The following PACRG variants were observed in gnomAD, a reference collection of about 807,000 sequenced individuals.
PACRG encodes the protein parkin coregulated, also known as parkin coregulated gene protein.
PACRG carries 29 observed loss-of-function variants against 29.7 expected under a neutral mutation model. That is an observed-to-expected ratio of 0.98 (90% CI 0.73 to 1.33). PACRG has a LOEUF of 1.33. PACRG is among the 40% of genes most tolerant of loss of function. The probability of loss-of-function intolerance (pLI) is 0.00; values close to 1 mark genes in which losing one functional copy is unlikely to be tolerated. For missense variants in PACRG, 279 were observed against 316.2 expected, an observed-to-expected ratio of 0.88 and a Z score of 0.89; for synonymous variants, 116 against 118.7, an observed-to-expected ratio of 0.98 and a Z score of 0.15.
At chr6:162,841,771 A>G (rs370455314) in intron 2 of PACRG, among the ~76,000 whole-genome samples, 26 of 151,436 alleles carry the variant, frequency 1.7e-4, no homozygotes, top group East Asian at 3.9e-4. Context: ...CTTTGAATGC[A>G]TCCCAGAGAT....
chr6:163,289,173 G>A (rs567895181), intron 4 of PACRG, among the ~76,000 whole-genome samples: 29 of 152,258 alleles, frequency 1.9e-4, no homozygotes, highest in East Asian at 3.9e-4. Context: ...GAGTTTGGCC[G>A]TGGACCGACT....
chr6:162,943,179 C>T (rs1798752357), intron 2 of PACRG, among the ~76,000 whole-genome samples: 2 of 152,192 alleles, frequency 1.3e-5, no homozygotes, highest in Admixed American at 1.3e-4. Context: ...CCACACACAC[C>T]CTTATGTCTT....
intron 2 of PACRG, among the ~76,000 whole-genome samples, chr6:163,048,662 A>G (rs960665899): frequency 3.9e-5 from 6 of 152,130 alleles, no homozygotes; most frequent in African/African-American, 1.4e-4. Context: ...ATTTTCTACT[A>G]TTTGGAGGTT....
chr6:162,959,199 G>T (rs1036727860), intron 2 of PACRG, among the ~76,000 whole-genome samples: 81 of 151,794 alleles, frequency 5.3e-4, no homozygotes, highest in African/African-American at 1.9e-3. Flanking sequence ...GATTACAGGT[G>T]TTAGCCACCG....
chr6:162,783,591 T>C (rs1784248330), intron 1 of PACRG, among the ~76,000 whole-genome samples: 1 of 152,038 alleles, frequency 6.6e-6, no homozygotes, highest in African/African-American at 2.4e-5. Flanking sequence ...CATAATTTAT[T>C]TAACCAAATC....
In PACRG at chr6:163,042,312, G is replaced by T. The variant is rs145564298; in HGVS notation, c.292-19838G>T. On this transcript the variant is annotated intron_variant, in intron 2 of 4. Coordinates refer to ENST00000366888, the MANE Select transcript of PACRG (RefSeq NM_001080379.2). ...TAGAAATTTAGAGCTGGAAAGAGCA[G>T]AAAAAAGAGCATCCTAAATAGCGAT... 5.9e-3 allele frequency among the ~76,000 whole-genome samples: 891 copies of T among 152,252 alleles called. 4 individuals are homozygous for T. Among genetic ancestry groups the T allele is most frequent in the African/African-American group, 0.015 (606 of 41,552 alleles).
chr6:162,898,092 C>T (rs910588754), intron 2 of PACRG, among the ~76,000 whole-genome samples: 1 of 152,168 alleles, frequency 6.6e-6, no homozygotes, highest in Non-Finnish European at 1.5e-5. Flanking sequence ...AAGTTTTGCC[C>T]TCCTAAGACT....
At chr6:163,118,851 C>T (rs1368648649) in intron 4 of PACRG, among the ~76,000 whole-genome samples, 6 of 152,210 alleles carry the variant, frequency 3.9e-5, no homozygotes, top group Non-Finnish European at 2.9e-5. Flanking sequence ...CCTCTCACCT[C>T]CTCTTTCCTT....
chr6:163,085,791 C>T (rs1813505343), intron 3 of PACRG, among the ~76,000 whole-genome samples: 1 of 152,188 alleles, frequency 6.6e-6, no homozygotes, highest in South Asian at 2.1e-4. Context: ...AACGCCCTGT[C>T]CTTCTTATGT....
chr6:162,737,958 C>T (rs927850869), intron 1 of PACRG, among the ~76,000 whole-genome samples: 1 of 151,840 alleles, frequency 6.6e-6, no homozygotes, highest in Non-Finnish European at 1.5e-5. Flanking sequence ...TCATGTTCTT[C>T]TACATTTTGA....
chr6:162,888,200 G>A (rs1385098087), intron 2 of PACRG, among the ~76,000 whole-genome samples: 2 of 151,978 alleles, frequency 1.3e-5, no homozygotes, highest in Admixed American at 6.6e-5. Flanking sequence ...GGTGGGCTGC[G>A]GGGTGTCATC....
chr6:163,149,408 C>T (rs1777978553), intron 4 of PACRG, among the ~76,000 whole-genome samples: 1 of 152,180 alleles, frequency 6.6e-6, no homozygotes, highest in South Asian at 2.1e-4. Flanking sequence ...AAGCCAAGGC[C>T]ACGTCTATGT....
At chr6:162,957,548 A>T (rs1173607392) in intron 2 of PACRG, 1 of 294,224 alleles carries the variant, frequency 3.4e-6, no homozygotes, top group Non-Finnish European at 6.7e-6. Flanking sequence ...GTATTGTAGG[A>T]AGCCTAAGGC....
At chr6:163,045,271 C>G (rs1212663014) in intron 2 of PACRG, among the ~76,000 whole-genome samples, 1 of 152,090 alleles carries the variant, frequency 6.6e-6, no homozygotes, top group African/African-American at 2.4e-5. Flanking sequence ...TGCCTTCTCA[C>G]CTGTAGATAG....
chr6:163,209,177 G>C (rs1301390695), intron 4 of PACRG, among the ~76,000 whole-genome samples: 2 of 152,232 alleles, frequency 1.3e-5, no homozygotes, highest in Non-Finnish European at 2.9e-5. Context: ...ACTGTTGTTA[G>C]TATTTATCAG....
At chr6:163,082,485 CATGAATAATAAT>C (rs1386401625) in intron 3 of PACRG, among the ~76,000 whole-genome samples, 1 of 152,094 alleles carries the variant, frequency 6.6e-6, no homozygotes, top group African/African-American at 2.4e-5. Context: ...AAGTTACAAT[CATGAATAATAAT>C]ATGTAATAAC....
intron 4 of PACRG, among the ~76,000 whole-genome samples, chr6:163,268,755 T>A (rs543053672): frequency 1.3e-3 from 196 of 152,332 alleles, no homozygotes; most frequent in African/African-American, 4.5e-3. Context: ...CATGCCTCCT[T>A]GAAAAGTAGG....
chr6:163,187,030 A>AC (rs1260850592), intron 4 of PACRG, among the ~76,000 whole-genome samples: 4 of 151,728 alleles, frequency 2.6e-5, no homozygotes, highest in African/African-American at 4.8e-5. Flanking sequence ...GGAGGGAGAC[A>AC]CCCCCCGTCC....
intron 1 of PACRG, among the ~76,000 whole-genome samples, chr6:162,749,973 A>C (rs1781395423): frequency 6.6e-6 from 1 of 152,184 alleles, no homozygotes; most frequent in African/African-American, 2.4e-5. Flanking sequence ...GATTATGAAA[A>C]CCAAATCCCC....
Sources: allele counts gnomAD v4.1 joint callset (sites outside exome capture counted in the v4.1 genomes callset), GRCh38; gene constraint gnomAD v4.1.1; transcripts MANE v1.5; gene names NCBI Gene and HGNC (gene_info 2026-07-23, HGNC 2026-07-21).